CC2D1A: variants seen among roughly 807,000 people sequenced by gnomAD.
CC2D1A encodes the protein coiled-coil and C2 domain containing 1A.
CC2D1A carries 68 observed loss-of-function variants against 123.8 expected under a neutral mutation model. The ratio of observed to expected loss-of-function variants is 0.55; its 90% confidence interval spans 0.45 to 0.67. The LOEUF is 0.67. CC2D1A is among the 30% of genes least tolerant of loss of function. The pLI is 0.00. For missense variants in CC2D1A, 1,185 were observed against 1,290.3 expected (o/e 0.92, Z 1.25); for synonymous variants, 477 against 528.0 (o/e 0.90, Z 1.32).
At position 13,923,338 on chromosome 19, in the gene CC2D1A, G is replaced by A. The variant is rs377534200; in HGVS notation, c.1647G>A (p.Pro549=). 34 of 1,605,994 alleles carry A rather than the reference G, an allele frequency of 2.1e-5. No homozygotes were observed. The highest frequency in any genetic ancestry group is 2.7e-5 in the African/African-American group (2 of 74,878). The change falls in exon 15 of 29, where the codon CCG becomes CCA. Residue 549 remains proline (P), a synonymous_variant. Coordinates refer to ENST00000318003, the MANE Select transcript of CC2D1A (RefSeq NM_017721.5). This position sits in a 1 kb window ranked among gnomAD's most constrained non-coding sequence, Gnocchi z 5.3. ...NGLPVDITKV[P]PAPVNKDDFA... ...ACCAGCCTCGTCCTCCCCAGGTGCCGCCTGCCCCTGTCAACAAGGACGACT... is the reference window on the plus strand; with the variant it reads ...ACCAGCCTCGTCCTCCCCAGGTGCCACCTGCCCCTGTCAACAAGGACGACT...
chr19:13,927,456 T>A, intron 22 of CC2D1A, 191 bp downstream of exon 22: 1 of 596,206 alleles, frequency 1.7e-6, no homozygotes, highest in East Asian at 2.8e-5. Context: ...TCAACTGGTA[T>A]CTCAGCCATA....
In CC2D1A at chr19:13,920,773, G is replaced by A; in HGVS notation, c.1492G>A (p.Glu498Lys). ...AGCCCAGCAGCAGCTGGCCTTCCTA[G>A]AGGGCCGCAAGAAGCAGCTCCTGCA... ...TRAQQQLAFL[E>K]GRKKQLLQAA... The change falls in exon 14 of 29, where the codon GAG becomes AAG. Residue 498 changes from glutamate (E) to lysine (K), a missense_variant. Physicochemically the swap from Glu to Lys is moderately conservative, Grantham distance 56. Transcript: ENST00000318003. 1 of 1,613,720 alleles carries A rather than the reference G, an allele frequency of 6.2e-7. No individual in the cohort carries two copies. The highest frequency in any genetic ancestry group is 8.5e-7 in the Non-Finnish European group (1 of 1,179,782).
intron 12 of CC2D1A, chr19:13,920,318 TG>T: frequency 3.7e-6 from 2 of 536,320 alleles, no homozygotes; most frequent in Non-Finnish European, 6.4e-6. Context: ...GAGGTTGCAG[TG>T]AGCCAAGATC....
chr19:13,926,626 G>T, intron 18 of CC2D1A, 36 bp downstream of exon 18: 1 of 1,614,148 alleles, frequency 6.2e-7, no homozygotes, highest in East Asian at 2.2e-5. Context: ...GGGTCATGGG[G>T]ACCCCCTCTC....
chr19:13,909,659 A>G, intron 1 of CC2D1A, 164 bp from the exon 2 acceptor site: 2 of 880,688 alleles, frequency 2.3e-6, no homozygotes, highest in Non-Finnish European at 3.8e-6. Flanking sequence ...CCTATCTTGG[A>G]ACACCTGTTC....
rs1035006870 is a variant in CC2D1A, at chr19:13,930,514, C to A, written c.*119C>A. 1.4e-5 allele frequency: 17 copies of A among 1,216,936 alleles called. No homozygotes were observed. The South Asian group carries it at 2.5e-4, about 18-fold the overall frequency. The allele number at this position is 1,216,936 out of a possible 1,614,324, so 75.4% of individuals were successfully genotyped here. A position where few individuals can be genotyped will look rare whatever the true frequency, so the allele number is the denominator to read the frequency against. ...CAGCGGACAATCGGTTCTGGACTCA[C>A]CCCTCATCCGGGCCCCCAGCCCCGC... is the stretch of plus-strand genomic sequence containing the variant. On this transcript the variant is annotated 3_prime_UTR_variant, in exon 29 of 29. Coordinates refer to ENST00000318003, the MANE Select transcript of CC2D1A (RefSeq NM_017721.5). This position sits in a 1 kb window ranked among gnomAD's most constrained non-coding sequence, Gnocchi z 6.8.
At chr19:13,920,308 G>C (rs1486073635) in intron 12 of CC2D1A, 1 of 536,544 alleles carries the variant, frequency 1.9e-6, no homozygotes, top group African/African-American at 2.0e-5. Flanking sequence ...CCGGGAGGCA[G>C]AGGTTGCAGT....
intron 17 of CC2D1A, among the ~76,000 whole-genome samples, 185 bp from the exon 18 acceptor site, chr19:13,926,332 G>A (rs1971639060): frequency 6.6e-6 from 1 of 152,068 alleles, no homozygotes; most frequent in South Asian, 2.1e-4. Flanking sequence ...GTGATCCATT[G>A]CCAACCTGAA....
At chr19:13,926,023 TATGTGTATATATATATATATAC>T (rs1187628535) in intron 17 of CC2D1A, among the ~76,000 whole-genome samples, 1 of 105,076 alleles carries the variant, frequency 9.5e-6, no homozygotes, top group Non-Finnish European at 1.7e-5. Context: ...TACGTATATA[TATGTGTATATATATATATATAC>T]ACGTATATAT....
rs774357851 is a variant in CC2D1A at position 13,918,965 on chromosome 19, C to T, written c.1072C>T (p.Arg358Trp). ...GGAGGCGCTGGAGCAGCGGATGGAG[C>T]GGTACCAGGTGGCCGCAGCCCAGGC... Reference protein sequence around the residue: ...LLEALEQRMERYQVAAAQAKS... With the variant: ...LLEALEQRMEWYQVAAAQAKS... The change falls in exon 10 of 29, where the codon CGG becomes TGG. Residue 358 changes from arginine to tryptophan, a missense_variant. Physicochemically the swap from Arg to Trp is moderately radical, Grantham distance 101. Transcript: ENST00000318003. 3.7e-6 allele frequency: 6 copies of T among 1,610,344 alleles called. No homozygotes were observed. The highest frequency in any genetic ancestry group is 5.1e-6 in the Non-Finnish European group (6 of 1,178,432).
intron 6 of CC2D1A, among the ~76,000 whole-genome samples, chr19:13,914,625 C>T (rs1281095674): frequency 6.6e-6 from 1 of 151,096 alleles, no homozygotes; most frequent in Non-Finnish European, 1.5e-5. Flanking sequence ...TGAGCCACCA[C>T]GCCAGGCCTC....
Position 13,920,838 on chromosome 19 carries a change from T to A in CC2D1A, c.1557T>A (p.Gly519=). 6.2e-7 allele frequency: 1 copy of A among 1,613,698 alleles called. No individual in the cohort carries two copies. Among genetic ancestry groups the A allele is most frequent in the South Asian group, 1.1e-5 (1 of 91,060 alleles). ...LRAKQKNDVE[G]AKMHLRQAKG... is the part of the protein sequence containing the mutation. The stretch of plus-strand genomic sequence containing the variant: ...CCAAGCAGAAAAACGACGTGGAGGG[T>A]GCCAAGATGCACCTGCGCCAAGCCA... The change falls in exon 14 of 29, where the codon GGT becomes GGA. Residue 519 remains glycine (G), a synonymous_variant. Coordinates refer to ENST00000318003, the MANE Select transcript of CC2D1A (RefSeq NM_017721.5).
rs763363849 is a variant in CC2D1A, at chr19:13,930,426, G to T, written c.*31G>T. On this transcript the variant is annotated 3_prime_UTR_variant, in exon 29 of 29. Transcript: ENST00000318003. This position sits in a 1 kb window ranked among gnomAD's most constrained non-coding sequence, Gnocchi z 6.8. ...CCATGGGGCGGGCAGCCCCCAGAAA[G>T]CGGGCAGCAGGCCCCGATACCGGGA... 1.9e-6 allele frequency: 3 copies of T among 1,583,296 alleles called. No homozygotes were observed. The highest frequency in any genetic ancestry group is 1.7e-6 in the Non-Finnish European group (2 of 1,166,082).
At chr19:13,912,685 C>T (rs1971046010) in intron 4 of CC2D1A, 92 bp downstream of exon 4, 12 of 1,285,894 alleles carry the variant, frequency 9.3e-6, no homozygotes, top group South Asian at 8.5e-5. Flanking sequence ...TGGAGTCTTG[C>T]TGTGTCACCC....
intron 1 of CC2D1A, among the ~76,000 whole-genome samples, chr19:13,908,528 G>A (rs895873234): frequency 3.3e-5 from 5 of 151,180 alleles, no homozygotes; most frequent in East Asian, 2.0e-4. Flanking sequence ...GTTTGGTGGC[G>A]CAATCTCAGC....
In CC2D1A at chr19:13,929,533, G is replaced by A; in HGVS notation, c.2584-1G>A. ...CTCACAGGACCCTCTGTATCCTCTA[G>A]ATCCTGGCCCTCAGGCAGGCGCGGC... is the stretch of plus-strand genomic sequence containing the variant. On this transcript the variant is annotated splice_acceptor_variant, in intron 25 of 28. Coordinates refer to ENST00000318003, the MANE Select transcript of CC2D1A (RefSeq NM_017721.5). LOFTEE classifies it high-confidence loss of function. 6.2e-7 allele frequency: 1 copy of A among 1,612,144 alleles called. No individual in the cohort carries two copies. Among genetic ancestry groups the A allele is most frequent in the Non-Finnish European group, 8.5e-7 (1 of 1,179,836 alleles).
chr19:13,910,367 C>T (rs1175026046), intron 2 of CC2D1A, among the ~76,000 whole-genome samples: 1 of 146,166 alleles, frequency 6.8e-6, no homozygotes, highest in Non-Finnish European at 1.5e-5. Flanking sequence ...GAGATCGCAC[C>T]ACTGCGCTAC....
chr19:13,911,840 C>T (rs559508088), intron 2 of CC2D1A, among the ~76,000 whole-genome samples: 9 of 151,776 alleles, frequency 5.9e-5, no homozygotes, highest in Non-Finnish European at 7.4e-5. Context: ...CTCAGGCTCC[C>T]GAGTAGCTGG....
At chr19:13,909,620 CCCAGGTTGAACTGTG>C (rs957870519) in intron 1 of CC2D1A, 188 bp from the exon 2 acceptor site, 118 of 689,486 alleles carry the variant, frequency 1.7e-4, no homozygotes, top group African/African-American at 1.6e-3. Context: ...TGCCCTTTGC[CCCAGGTTGAACTGTG>C]CCAGAGGGCC....
Sources: allele counts gnomAD v4.1 joint callset (sites outside exome capture counted in the v4.1 genomes callset), GRCh38; gene constraint gnomAD v4.1.1; non-coding constraint Gnocchi (gnomAD v3.1); transcripts MANE v1.5; gene names NCBI Gene and HGNC (gene_info 2026-07-23, HGNC 2026-07-21).